The following ZC3H12B variants were observed in gnomAD, a reference collection of about 807,000 sequenced individuals.
ZC3H12B encodes the protein probable ribonuclease ZC3H12B.
Under a neutral mutation model 43.9 loss-of-function variants are expected in ZC3H12B, and 7 were observed. The ratio of observed to expected loss-of-function variants is 0.16; its 90% CI spans 0.09 to 0.30. ZC3H12B has a LOEUF of 0.30. ZC3H12B is among the 10% of genes least tolerant of loss of function. ZC3H12B has a pLI of 1.00. For missense variants in ZC3H12B, 475 were observed against 670.2 expected, an observed-to-expected ratio of 0.71 and a Z score of 3.22; for synonymous variants, 222 against 241.7, an observed-to-expected ratio of 0.92 and a Z score of 0.76.
At chrX:65,066,658 G>A in the ZC3H12B span, among the ~76,000 whole-genome samples, 2 of 112,035 alleles carry the variant, frequency 1.8e-5, no homozygotes, top group African/African-American at 6.5e-5. Context: ...CCTTAGCACA[G>A]CTCGAGTGCT....
the ZC3H12B span, among the ~76,000 whole-genome samples, chrX:65,073,219 C>T: frequency 1.8e-5 from 2 of 112,803 alleles, no homozygotes; most frequent in African/African-American, 6.4e-5. Context: ...CACACACATA[C>T]GCTGGTGGGA....
chrX:65,083,991 A>G, the ZC3H12B span, among the ~76,000 whole-genome samples: 4 of 111,858 alleles, frequency 3.6e-5, no homozygotes, highest in African/African-American at 1.3e-4. Flanking sequence ...CAAAGATGCT[A>G]AGAACATACA....
the ZC3H12B span, among the ~76,000 whole-genome samples, chrX:65,138,237 C>T: frequency 4.5e-5 from 5 of 111,670 alleles, no homozygotes; most frequent in Non-Finnish European, 7.5e-5. Flanking sequence ...CTCTTCACTC[C>T]CTTTCCCCTC....
At chrX:65,434,681 G>T (rs1027922433) in intron 3 of ZC3H12B, among the ~76,000 whole-genome samples, 2 of 112,003 alleles carry the variant, frequency 1.8e-5, no homozygotes, top group Non-Finnish European at 1.9e-5. Context: ...AACTACTCAT[G>T]TGTCACACTT....
chrX:65,489,465 A>C (rs1270700918), intron 1 of ZC3H12B, 56 bp downstream of exon 6: 1 of 1,125,664 alleles, frequency 8.9e-7, no homozygotes, highest in African/African-American at 1.8e-5. Flanking sequence ...AGCTCATAGA[A>C]ATTTTCTTCC....
the ZC3H12B span, among the ~76,000 whole-genome samples, chrX:65,212,343 A>G: frequency 6.0e-5 from 3 of 50,371 alleles, no homozygotes; most frequent in Non-Finnish European, 9.7e-5. Flanking sequence ...AATATATAAT[A>G]TAAATATAAT....
At chrX:65,127,736 C>T in the ZC3H12B span, among the ~76,000 whole-genome samples, 1 of 110,859 alleles carries the variant, frequency 9.0e-6, no homozygotes, top group Non-Finnish European at 1.9e-5. Context: ...TCTCAATCCA[C>T]TGAAGTTATA....
At chrX:65,358,172 T>C in the ZC3H12B span, among the ~76,000 whole-genome samples, 4 of 111,229 alleles carry the variant, frequency 3.6e-5, no homozygotes, top group African/African-American at 1.3e-4. Flanking sequence ...ATGCACCCAA[T>C]ACAAGAGTAC....
At chrX:65,402,853 C>T (rs950699918) in intron 3 of ZC3H12B, among the ~76,000 whole-genome samples, 2 of 112,080 alleles carry the variant, frequency 1.8e-5, no homozygotes, top group African/African-American at 3.2e-5. Context: ...CAAATAAGGA[C>T]GGGTATAAAC....
At chrX:65,323,236 A>ACTC in the ZC3H12B span, among the ~76,000 whole-genome samples, 2 of 111,929 alleles carry the variant, frequency 1.8e-5, no homozygotes, top group African/African-American at 6.5e-5. Flanking sequence ...ATCTTAGATA[A>ACTC]AAGGGTTTTA....
chrX:65,379,644 T>C (rs1458875654), intron 2 of ZC3H12B, among the ~76,000 whole-genome samples: 1 of 112,373 alleles, frequency 8.9e-6, no homozygotes, highest in Non-Finnish European at 1.9e-5. Context: ...AGGCTTCAGA[T>C]GATCAAATTA....
At chrX:65,311,439 A>G in the ZC3H12B span, among the ~76,000 whole-genome samples, 2 of 112,269 alleles carry the variant, frequency 1.8e-5, no homozygotes, top group East Asian at 2.8e-4. Context: ...CAAAACCACA[A>G]TGAGATACCA....
chrX:65,486,935 G>A (rs1353089393), upstream of ZC3H12B, among the ~76,000 whole-genome samples: 1 of 112,350 alleles, frequency 8.9e-6, no homozygotes, highest in Non-Finnish European at 1.9e-5. Context: ...TTGAAGCTTT[G>A]AATAAATCCA....
the ZC3H12B span, among the ~76,000 whole-genome samples, chrX:65,157,362 C>T: frequency 8.9e-6 from 1 of 112,341 alleles, no homozygotes; most frequent in Non-Finnish European, 1.9e-5. Context: ...GCCTTCCTTA[C>T]TTTCTAATAT....
the ZC3H12B span, among the ~76,000 whole-genome samples, chrX:65,057,576 T>C: frequency 9.0e-6 from 1 of 111,275 alleles, no homozygotes; most frequent in African/African-American, 3.3e-5. Context: ...GTTGCTCTTC[T>C]CGAGGAGTAT....
At chrX:65,315,132 T>C in the ZC3H12B span, among the ~76,000 whole-genome samples, 1 of 111,207 alleles carries the variant, frequency 9.0e-6, no homozygotes, top group Non-Finnish European at 1.9e-5. Flanking sequence ...AGCTCTAAAT[T>C]CAGATACAAT....
intron 2 of ZC3H12B, among the ~76,000 whole-genome samples, chrX:65,378,929 A>G (rs1267831759): frequency 8.9e-6 from 1 of 112,539 alleles, no homozygotes; most frequent in Admixed American, 9.3e-5. Context: ...CCAGGAGATT[A>G]TATCCCCCAC....
chrX:65,405,475 C>T (rs1471677134), intron 3 of ZC3H12B, among the ~76,000 whole-genome samples: 1 of 110,789 alleles, frequency 9.0e-6, no homozygotes, highest in Non-Finnish European at 1.9e-5. Flanking sequence ...CAAAAATTAG[C>T]CAGGCGTGGT....
At chrX:65,266,659 G>C in the ZC3H12B span, among the ~76,000 whole-genome samples, 1 of 111,595 alleles carries the variant, frequency 9.0e-6, no homozygotes, top group African/African-American at 3.3e-5. Flanking sequence ...GAGGGCAAAA[G>C]CTTATGTTCC....
Sources: allele counts gnomAD v4.1 joint callset (sites outside exome capture counted in the v4.1 genomes callset), GRCh38; gene constraint gnomAD v4.1.1; transcripts MANE v1.5; gene names NCBI Gene and HGNC (gene_info 2026-07-23, HGNC 2026-07-21).